The following MAST3 variants were observed in gnomAD, a reference collection of about 807,000 sequenced individuals.
MAST3 encodes the protein microtubule-associated serine/threonine-protein kinase 3.
In MAST3, 43 loss-of-function variants were observed where a neutral mutation model predicts 127.0. The ratio of observed to expected loss-of-function variants is 0.34; its 90% CI spans 0.27 to 0.44. The LOEUF is 0.44. Ranked by LOEUF, MAST3 falls within the 20% of genes least tolerant of loss-of-function variation. The probability of loss-of-function intolerance (pLI) is 1.00; values close to 1 mark genes in which losing one functional copy is unlikely to be tolerated. For synonymous variants in MAST3, 785 were observed against 809.2 expected, an observed-to-expected ratio of 0.97 and a Z score of 0.51; for missense variants, 1,390 against 1,919.1, an observed-to-expected ratio of 0.72 and a Z score of 5.15.
intron 1 of MAST3, among the ~76,000 whole-genome samples, chr19:18,105,064 A>T (rs1394190540): frequency 6.6e-6 from 1 of 152,114 alleles, no homozygotes; most frequent in Non-Finnish European, 1.5e-5. Flanking sequence ...GCATTTTGAG[A>T]ATTTAATAAA....
chr19:18,135,198 C>T (rs541630675), intron 17 of MAST3, among the ~76,000 whole-genome samples: 25 of 152,166 alleles, frequency 1.6e-4, no homozygotes, highest in African/African-American at 5.3e-4. Context: ...GGCACAGTGG[C>T]AAACACCTGT....
chr19:18,121,598 C>T (rs1042256049), intron 3 of MAST3, 87 bp from the exon 4 acceptor site: 113 of 1,124,906 alleles, frequency 1.0e-4, no homozygotes, highest in Non-Finnish European at 1.3e-4. Flanking sequence ...TTCTCCAGAA[C>T]GGGCTGCGAG....
At chr19:18,136,824 G>A (rs2041939811) in intron 18 of MAST3, among the ~76,000 whole-genome samples, 1 of 151,874 alleles carries the variant, frequency 6.6e-6, no homozygotes, top group Non-Finnish European at 1.5e-5. Flanking sequence ...TGTTGTTGTT[G>A]TTGTTGTTTT....
chr19:18,131,802 T>C (rs2041323772), intron 14 of MAST3, 107 bp from the exon 15 acceptor site: 7 of 1,292,908 alleles, frequency 5.4e-6, no homozygotes, highest in Non-Finnish European at 6.4e-6. Flanking sequence ...GGGGACCTTT[T>C]GCAGGAGGTA....
At chr19:18,132,735 G>A (rs1269554066) in intron 15 of MAST3, among the ~76,000 whole-genome samples, 1 of 152,198 alleles carries the variant, frequency 6.6e-6, no homozygotes, top group African/African-American at 2.4e-5. Flanking sequence ...TGTTTGTCAG[G>A]TGTCCTCGAG....
intron 11 of MAST3, among the ~76,000 whole-genome samples, chr19:18,125,139 C>A (rs2040461756): frequency 6.6e-6 from 1 of 152,010 alleles, no homozygotes; most frequent in Non-Finnish European, 1.5e-5. Flanking sequence ...CAGATGAAGC[C>A]AGGATTCAAA....
chr19:18,098,494 T>G (rs1250003070), intron 1 of MAST3, among the ~76,000 whole-genome samples: 3 of 151,824 alleles, frequency 2.0e-5, no homozygotes. Flanking sequence ...GGGTCCTCCT[T>G]TTACTGAGTT....
At position 18,112,961 on chromosome 19, in the gene MAST3, T is replaced by C. The variant is rs942802691; in HGVS notation, c.161+2220T>C. 2.0e-5 allele frequency among the ~76,000 whole-genome samples: 3 copies of C among 152,012 alleles called. No homozygotes were observed. ...AACAGGGGCATAGGACCTCAGAATG[T>C]GTTATCAGGAGCATCCTAGGAAGGT... is the stretch of plus-strand genomic sequence containing the variant. On this transcript the variant is annotated intron_variant, in intron 3 of 27. Transcript: ENST00000687212. The surrounding 1 kb of genome is among the most constrained non-coding windows in gnomAD (Gnocchi z 4.1).
intron 21 of MAST3, among the ~76,000 whole-genome samples, chr19:18,142,601 C>T (rs914666184): frequency 2.0e-5 from 3 of 151,668 alleles, no homozygotes; most frequent in African/African-American, 7.3e-5. Flanking sequence ...CCGCCCTCCT[C>T]AACCTCCCAA....
At chr19:18,142,225 G>C (rs956575710) in intron 21 of MAST3, among the ~76,000 whole-genome samples, 4 of 152,074 alleles carry the variant, frequency 2.6e-5, no homozygotes, top group Admixed American at 6.6e-5. Flanking sequence ...CCATCATGCT[G>C]CTAGGCACAC....
chr19:18,106,801 C>A (rs1473271024), intron 1 of MAST3, among the ~76,000 whole-genome samples: 1 of 151,184 alleles, frequency 6.6e-6, no homozygotes, highest in Non-Finnish European at 1.5e-5. Flanking sequence ...GAACTCCCGA[C>A]CTCAGGTGAT....
At chr19:18,106,615 A>G (rs2146867466) in intron 1 of MAST3, among the ~76,000 whole-genome samples, 1 of 150,708 alleles carries the variant, frequency 6.6e-6, no homozygotes, top group East Asian at 2.0e-4. Flanking sequence ...CTTGTTTCCC[A>G]GGCTGGAGTG....
intron 17 of MAST3, 48 bp from the exon 18 acceptor site, chr19:18,135,692 C>T (rs1448907732): frequency 1.4e-6 from 2 of 1,411,026 alleles, no homozygotes; most frequent in African/African-American, 1.4e-5. Flanking sequence ...AAAGGGGTAC[C>T]CTGCCTTCTC....
At position 18,123,357 on chromosome 19, in the gene MAST3, C is replaced by T. The variant is rs2040218090; in HGVS notation, c.540C>T (p.Pro180=). The T allele has an allele frequency of 1.2e-6, 2 of 1,612,416 alleles. No individual in the cohort carries two copies. The highest frequency in any genetic ancestry group is 2.2e-5 in the East Asian group (1 of 44,882). ...EEGGRSPRLR[P]RSRSLSPGRA... ...GCGGCCGGTCACCCCGCCTCCGACCCCGCTCTCGCAGTCTCAGGTGGGCCG... is the reference window on the plus strand; with the variant it reads ...GCGGCCGGTCACCCCGCCTCCGACCTCGCTCTCGCAGTCTCAGGTGGGCCG... Residue 180 remains proline, a synonymous_variant, in exon 7 of 28, where the codon CCC becomes CCT. Transcript: ENST00000687212.
chr19:18,129,024 G>A, intron 13 of MAST3, 73 bp downstream of exon 13: 1 of 1,307,304 alleles, frequency 7.6e-7, no homozygotes, highest in Non-Finnish European at 1.1e-6. Context: ...GGCAGCTCCT[G>A]CATCCCCCTC....
At chr19:18,135,913 C>T (rs145491752) in intron 18 of MAST3, 72 bp downstream of exon 18, 28 of 1,193,802 alleles carry the variant, frequency 2.3e-5, no homozygotes, top group Middle Eastern at 2.7e-4. Flanking sequence ...GGAGGGATAG[C>T]GCCCGGGGTA....
At chr19:18,123,028 CAGAGAGGACTTCCTGGA>C (rs1434027374) in intron 6 of MAST3, among the ~76,000 whole-genome samples, 172 bp from the exon 7 acceptor site, 12 of 152,312 alleles carry the variant, frequency 7.9e-5, no homozygotes, top group Admixed American at 3.9e-4. Flanking sequence ...GGGGTACAGG[CAGAGAGGACTTCCTGGA>C]GGAGAGGGCA....
Position 18,144,343 on chromosome 19 carries a change from G to A in MAST3, c.2585-123G>A. ...GAAGGGAGTGCAGGAAGAGGGAACT[G>A]CATGAGCAAAGGCCAGGAGGCTGGA... On this transcript the variant is annotated intron_variant, in intron 22 of 27. Transcript: ENST00000687212. The surrounding 1 kb of genome is among the most constrained non-coding windows in gnomAD (Gnocchi z 4.0). 2 of 859,522 alleles carry A rather than the reference G, an allele frequency of 2.3e-6. No individual in the cohort carries two copies. The highest frequency in any genetic ancestry group is 1.8e-6 in the Non-Finnish European group (1 of 554,680). 53.2% of individuals were successfully genotyped at this position (859,522 alleles called of 1,614,324 possible).
Position 18,141,987 on chromosome 19 carries a change from T to C in MAST3, c.2311T>C (p.Tyr771His). ...EEGWERSEVD[Y>H]GRRLSADIRL... ...GGGGTGGGAGCGCAGCGAAGTGGAC[T>C]ATGGCCGCCGGCTGAGTGCTGACAT... is the stretch of plus-strand genomic sequence containing the variant. The change falls in exon 21 of 28, where the codon TAT becomes CAT. Residue 771 changes from tyrosine to histidine, a missense_variant. Tyr to His is a moderately conservative substitution (Grantham distance 83, BLOSUM62 2). This residue lies in a region of MAST3 where 816 missense variants were observed against 934.1 expected (regional missense o/e 0.87). Transcript: ENST00000687212. The C allele has an allele frequency of 6.6e-7, 1 of 1,522,716 alleles. No homozygotes were observed. Among genetic ancestry groups the C allele is most frequent in the Non-Finnish European group, 8.9e-7 (1 of 1,127,298 alleles). The allele number at this position is 1,522,716 out of a possible 1,614,324, so 94.3% of individuals were successfully genotyped here.
Sources: gnomAD v4.1 joint callset for allele counts (sites outside exome capture counted in the v4.1 genomes callset) on GRCh38, gnomAD v4.1.1 for gene constraint, gnomAD v4.1.1 regional missense constraint, Gnocchi (gnomAD v3.1) non-coding constraint, MANE v1.5 for transcripts, NCBI Gene and HGNC (gene_info 2026-07-23, HGNC 2026-07-21) for gene names.